Variants in LARP4 observed in about 807,000 individuals in gnomAD.
LARP4 encodes la-related protein 4.
Under a neutral mutation model 92.9 loss-of-function variants are expected in LARP4, and 29 were observed. That is an observed-to-expected ratio of 0.31 (90% CI 0.23 to 0.43). The LOEUF (loss-of-function observed/expected upper bound fraction) is 0.43. Among genes scored for constraint, LARP4 ranks in the 20% least tolerant of loss-of-function variants. The probability of loss-of-function intolerance (pLI) is 1.00; values close to 1 mark genes in which losing one functional copy is unlikely to be tolerated. For missense variants in LARP4, 732 were observed against 860.0 expected (o/e 0.85, Z 1.86); for synonymous variants, 279 against 284.1 (o/e 0.98, Z 0.18).
intron 1 of LARP4, among the ~76,000 whole-genome samples, chr12:50,422,211 T>C (rs1055342635): frequency 1.3e-5 from 2 of 152,104 alleles, no homozygotes; most frequent in Non-Finnish European, 2.9e-5. Context: ...GTGATCTGCC[T>C]GTCTTGGCCT....
intron 5 of LARP4, among the ~76,000 whole-genome samples, chr12:50,436,141 A>T (rs987869677): frequency 7.8e-6 from 1 of 128,662 alleles, no homozygotes; most frequent in Admixed American, 8.3e-5. Context: ...GTGTGTGTGT[A>T]TATATCCCGC....
At chr12:50,436,826 C>T (rs933788148) in intron 5 of LARP4, among the ~76,000 whole-genome samples, 1 of 152,120 alleles carries the variant, frequency 6.6e-6, no homozygotes, top group Non-Finnish European at 1.5e-5. Context: ...AATAGATTTC[C>T]ATTTCCAGAG....
chr12:50,436,350 G>A (rs1593080418), intron 5 of LARP4, among the ~76,000 whole-genome samples: 1 of 151,896 alleles, frequency 6.6e-6, no homozygotes, highest in African/African-American at 2.4e-5. Flanking sequence ...CTGCACCTTG[G>A]TTGTTTATCA....
At chr12:50,405,536 C>T (rs535723956) in intron 1 of LARP4, among the ~76,000 whole-genome samples, 13 of 152,242 alleles carry the variant, frequency 8.5e-5, no homozygotes, top group Admixed American at 2.6e-4. Context: ...CCTCCCACCT[C>T]AGTCTCCAAA....
At chr12:50,407,220 T>G (rs1007391493) in intron 1 of LARP4, among the ~76,000 whole-genome samples, 1 of 151,850 alleles carries the variant, frequency 6.6e-6, no homozygotes, top group Admixed American at 6.6e-5. Flanking sequence ...GAGACGGAGT[T>G]TCACCATATT....
At chr12:50,426,503 T>G (rs1304661139) in intron 1 of LARP4, among the ~76,000 whole-genome samples, 1 of 152,088 alleles carries the variant, frequency 6.6e-6, no homozygotes, top group African/African-American at 2.4e-5. Context: ...GTGTATTTTC[T>G]GTAGAGAATT....
chr12:50,470,726 G>A lies in LARP4; in HGVS notation c.1546-2689G>A, dbSNP rs1000215869. Among the ~76,000 whole-genome samples the A allele has an allele frequency of 2.6e-5, 4 of 152,054 alleles. No homozygotes were observed. In the East Asian group the frequency reaches 5.8e-4, roughly 22 times the overall value. On this transcript the variant is annotated intron_variant, in intron 13 of 15. Transcript: ENST00000398473. The stretch of plus-strand genomic sequence containing the variant: ...TTTAAAGAATAATCATGAAGTGTAC[G>A]TCTCCTTATAACCCCAACACACAAT...
intron 8 of LARP4, among the ~76,000 whole-genome samples, chr12:50,452,611 C>T (rs1044387658): frequency 2.6e-5 from 4 of 151,994 alleles, no homozygotes; most frequent in Admixed American, 1.3e-4. Context: ...GTTTTTTTTG[C>T]TGCACCCATT....
In LARP4 at chr12:50,473,807, GGGGGGGTGGGGGGGGT is replaced by G. The variant is rs1362268396; in HGVS notation, c.1668-183_1668-168del. Among the ~76,000 whole-genome samples the G allele has an allele frequency of 4.8e-5, 6 of 125,520 alleles. No homozygotes were observed. The East Asian group carries it at 8.4e-4, about 18-fold the overall frequency. The allele number at this position is 125,520 out of a possible 152,430, so 82.3% of individuals were successfully genotyped here. On this transcript the variant is annotated intron_variant, in intron 14 of 15. Transcript: ENST00000398473. Reference sequence around the variant, plus strand: ...CTTGAACCGGGGGGTGGGGGTGGGTGGGGGGGTGGGGGGGGTGGGGGGTGCGGGGCGGGCAGAGGTT... The same window carrying G: ...CTTGAACCGGGGGGTGGGGGTGGGTGGGGGGGTGCGGGGCGGGCAGAGGTT...
chr12:50,434,543 C>T (rs549709503), intron 4 of LARP4, among the ~76,000 whole-genome samples: 5 of 151,196 alleles, frequency 3.3e-5, no homozygotes, highest in East Asian at 4.0e-4. Context: ...CTCAGCACCC[C>T]GAGTAGCACC....
intron 13 of LARP4, among the ~76,000 whole-genome samples, chr12:50,470,047 C>T (rs1459285976): frequency 1.3e-5 from 2 of 151,342 alleles, no homozygotes; most frequent in Non-Finnish European, 2.9e-5. Flanking sequence ...TAGAGAGGTC[C>T]CGTCTGTACA....
Position 50,475,300 on chromosome 12 carries a change from A to T in LARP4, c.1837-226A>T, listed in dbSNP as rs1957421581. ...AGGCATTTAGGTCGCTCCCATCATT[A>T]TAAACAACGCTGACATGAACATCCT... is the stretch of plus-strand genomic sequence containing the variant. On this transcript the variant is annotated intron_variant, in intron 15 of 15. Coordinates refer to ENST00000398473, the MANE Select transcript of LARP4 (RefSeq NM_052879.5). Among the ~76,000 whole-genome samples, 3 of 152,208 alleles carry T rather than the reference A, an allele frequency of 2.0e-5. No homozygotes were observed. The South Asian group carries it at 6.2e-4, about 31-fold the overall frequency.
intron 1 of LARP4, among the ~76,000 whole-genome samples, chr12:50,409,804 TA>T (rs1268200488): frequency 3.3e-5 from 5 of 150,766 alleles, no homozygotes; most frequent in South Asian, 2.1e-4. Context: ...TTATTATTAT[TA>T]TTATTTTTTT....
chr12:50,416,243 T>A (rs1053840314), intron 1 of LARP4: 10 of 152,254 alleles, frequency 6.6e-5, no homozygotes, highest in African/African-American at 2.4e-4. Flanking sequence ...ATCTTGTTAT[T>A]TAGTGCCTGG....
chr12:50,406,952 A>AG (rs1432170866), intron 1 of LARP4, among the ~76,000 whole-genome samples: 1 of 152,046 alleles, frequency 6.6e-6, no homozygotes, highest in Admixed American at 6.6e-5. Context: ...TCCTAACCTC[A>AG]GATCTACCTG....
chr12:50,468,730 T>C (rs998087076), intron 13 of LARP4, among the ~76,000 whole-genome samples: 3 of 152,222 alleles, frequency 2.0e-5, no homozygotes, highest in Admixed American at 2.0e-4. Flanking sequence ...CCTGATATAT[T>C]GTACTTCATT....
Position 50,430,547 on chromosome 12 carries a change from A to G in LARP4, c.375A>G (p.Lys125=), listed in dbSNP as rs767777912. 1 of 1,605,682 alleles carries G rather than the reference A, an allele frequency of 6.2e-7. No individual in the cohort carries two copies. Among genetic ancestry groups the G allele is most frequent in the Non-Finnish European group, 8.5e-7 (1 of 1,173,650 alleles). Residue 125 remains lysine, a synonymous_variant, in exon 4 of 16, where the codon AAA becomes AAG. Transcript: ENST00000398473. The stretch of plus-strand genomic sequence containing the variant: ...AAGACCTAAAAGAATGTCTGAAGAA[A>G]CAATTAGAATTCTGTTTTTCACGGT... The part of the protein sequence containing the change: ...STEDLKECLK[K]QLEFCFSREN...
intron 13 of LARP4, among the ~76,000 whole-genome samples, chr12:50,468,387 G>A (rs1394125740): frequency 6.6e-6 from 1 of 151,684 alleles, no homozygotes; most frequent in Non-Finnish European, 1.5e-5. Context: ...TCTGCCTCCT[G>A]GGTTCACGCC....
intron 7 of LARP4, among the ~76,000 whole-genome samples, chr12:50,440,953 G>A (rs941358252): frequency 4.7e-5 from 7 of 150,286 alleles, no homozygotes; most frequent in Non-Finnish European, 1.0e-4. Context: ...GCGCAATCTC[G>A]GCTCACTGCA....
Sources: allele counts gnomAD v4.1 joint callset (sites outside exome capture counted in the v4.1 genomes callset), GRCh38; gene constraint gnomAD v4.1.1; transcripts MANE v1.5; gene names NCBI Gene and HGNC (gene_info 2026-07-23, HGNC 2026-07-21).